Variants in GPHN observed in about 807,000 individuals in gnomAD.
The protein encoded by GPHN is gephyrin.
In GPHN, 17 loss-of-function variants were observed where a neutral mutation model predicts 95.5. That is an observed-to-expected ratio of 0.18 (90% confidence interval 0.12 to 0.27). The LOEUF is 0.27. GPHN is among the 10% of genes least tolerant of loss of function. The pLI, the probability that GPHN is intolerant of heterozygous loss-of-function variation, is 1.00. For synonymous variants in GPHN, 320 were observed against 322.5 expected (o/e 0.99, Z 0.08); for missense variants, 660 against 978.1 (o/e 0.67, Z 4.34).
At chr14:67,512,431 C>A in the GPHN span, among the ~76,000 whole-genome samples, 2 of 152,200 alleles carry the variant, frequency 1.3e-5, no homozygotes, top group Non-Finnish European at 2.9e-5. Flanking sequence ...ACAAAGGGAG[C>A]TAAGGCTTTG....
chr14:67,643,127 A>G, the GPHN span, among the ~76,000 whole-genome samples: 33 of 152,276 alleles, frequency 2.2e-4, no homozygotes, highest in Admixed American at 3.9e-4. Context: ...TGCCTCCACA[A>G]TATGGACCCT....
chr14:67,209,661 T>C, the GPHN span, among the ~76,000 whole-genome samples: 2 of 150,034 alleles, frequency 1.3e-5, no homozygotes, highest in Non-Finnish European at 3.0e-5. Flanking sequence ...CTACTAAAAA[T>C]ACAAAAATTA....
intron 13 of GPHN, among the ~76,000 whole-genome samples, chr14:67,101,183 T>G (rs2077679893): frequency 6.6e-6 from 1 of 151,482 alleles, no homozygotes; most frequent in Non-Finnish European, 1.5e-5. Context: ...GGTGATTCTT[T>G]TTTTCCTGAA....
the GPHN span, chr14:67,189,847 T>TTC: frequency 3.5e-4 from 51 of 145,618 alleles, 1 homozygote; most frequent in African/African-American, 1.2e-3. Context: ...ATTTTTTTTT[T>TTC]TTTTTTTTTT....
intron 5 of GPHN, among the ~76,000 whole-genome samples, chr14:66,882,927 A>G (rs902475556): frequency 6.6e-6 from 1 of 151,454 alleles, no homozygotes; most frequent in Non-Finnish European, 1.5e-5. Flanking sequence ...AGAAATGAGC[A>G]ATCAATTCAA....
the GPHN span, among the ~76,000 whole-genome samples, chr14:67,371,158 T>C: frequency 0.081 from 12,256 of 152,170 alleles, 1,166 homozygotes; most frequent in African/African-American, 0.23. Flanking sequence ...CTCACACTTA[T>C]AATTCCAGCA....
chr14:67,146,449 G>A (rs1036815645), intron 18 of GPHN, among the ~76,000 whole-genome samples: 4 of 152,052 alleles, frequency 2.6e-5, no homozygotes, highest in African/African-American at 7.2e-5. Context: ...AGTTTTCTTC[G>A]ACCTACAAAA....
At chr14:66,981,782 G>A (rs2070697605) in intron 9 of GPHN, among the ~76,000 whole-genome samples, 1 of 152,120 alleles carries the variant, frequency 6.6e-6, no homozygotes. Context: ...ATTATGGAGA[G>A]AAGGGGAGAA....
chr14:66,536,357 C>CA (rs1566561709), intron 1 of GPHN, among the ~76,000 whole-genome samples: 1 of 152,060 alleles, frequency 6.6e-6, no homozygotes, highest in Admixed American at 6.5e-5. Context: ...TGGTGAATTA[C>CA]ATTGATTGAT....
chr14:66,702,914 T>G (rs1449053033), intron 2 of GPHN, among the ~76,000 whole-genome samples: 19 of 152,084 alleles, frequency 1.2e-4, no homozygotes, highest in Non-Finnish European at 4.4e-5. Flanking sequence ...TTAGAGGAGC[T>G]GCCAACTAGA....
chr14:66,981,063 T>G (rs2070635099), intron 9 of GPHN, among the ~76,000 whole-genome samples: 1 of 152,124 alleles, frequency 6.6e-6, no homozygotes, highest in Non-Finnish European at 1.5e-5. Context: ...AGAAAAAGAT[T>G]TCCTAAGGAT....
At chr14:67,459,740 C>A in the GPHN span, among the ~76,000 whole-genome samples, 1 of 152,196 alleles carries the variant, frequency 6.6e-6, no homozygotes, top group Non-Finnish European at 1.5e-5. Context: ...GCTCAATAAA[C>A]CCTAATTGAT....
intron 1 of GPHN, among the ~76,000 whole-genome samples, chr14:66,601,691 G>A (rs926659144): frequency 4.0e-5 from 6 of 151,810 alleles, no homozygotes; most frequent in African/African-American, 1.5e-4. Flanking sequence ...ACCAATAATA[G>A]ATTGACATTT....
intron 5 of GPHN, among the ~76,000 whole-genome samples, chr14:66,910,915 G>A (rs567179157): frequency 1.2e-4 from 19 of 152,052 alleles, no homozygotes; most frequent in African/African-American, 4.6e-4. Flanking sequence ...ATATTGTGCA[G>A]CATTGAAAAT....
chr14:67,315,268 A>ATTT, the GPHN span, among the ~76,000 whole-genome samples: 25 of 101,586 alleles, frequency 2.5e-4, no homozygotes, highest in Non-Finnish European at 3.9e-4. Flanking sequence ...CTTATTTTTA[A>ATTT]TTTTTTTTTT....
intron 1 of GPHN, among the ~76,000 whole-genome samples, chr14:66,541,659 A>G (rs931631263): frequency 6.6e-6 from 1 of 152,242 alleles, no homozygotes; most frequent in African/African-American, 2.4e-5. Flanking sequence ...ATTCAGTATC[A>G]TTTGGAAGTT....
At chr14:67,639,742 G>A in the GPHN span, among the ~76,000 whole-genome samples, 34 of 152,008 alleles carry the variant, frequency 2.2e-4, no homozygotes, top group Admixed American at 1.4e-3. Context: ...CCAACATGGC[G>A]AAACCCTGTC....
chr14:67,160,998 T>C (rs1213087566), intron 19 of GPHN, among the ~76,000 whole-genome samples: 1 of 152,196 alleles, frequency 6.6e-6, no homozygotes, highest in Non-Finnish European at 1.5e-5. Context: ...TTATCGAAAC[T>C]GTTGAATTGG....
intron 1 of GPHN, among the ~76,000 whole-genome samples, chr14:66,636,197 G>T (rs983338690): frequency 6.6e-6 from 1 of 151,852 alleles, no homozygotes. Context: ...CCCCTTATTG[G>T]CTTATATAAA....
Sources: gnomAD v4.1 joint callset for allele counts (sites outside exome capture counted in the v4.1 genomes callset) on GRCh38, gnomAD v4.1.1 for gene constraint, MANE v1.5 for transcripts, NCBI Gene and HGNC (gene_info 2026-07-23, HGNC 2026-07-21) for gene names.